The following ARHGEF10 variants were observed in gnomAD, a reference collection of about 807,000 sequenced individuals.
ARHGEF10 encodes the protein Rho guanine nucleotide exchange factor 10.
A neutral mutation model predicts 147.4 loss-of-function variants in ARHGEF10; 140 were observed. The ratio of observed to expected loss-of-function variants is 0.95; its 90% CI spans 0.83 to 1.09. ARHGEF10 has a LOEUF of 1.09. Among genes scored for constraint, ARHGEF10 ranks in the 50% least tolerant of loss-of-function variants. The pLI is 0.00. For synonymous variants in ARHGEF10, 902 were observed against 695.8 expected (o/e 1.30, Z -4.67); for missense variants, 2,222 against 1,752.7 (o/e 1.27, Z -4.78).
chr8:1,840,638 C>T (rs962918845), intron 1 of ARHGEF10, among the ~76,000 whole-genome samples: 3 of 151,838 alleles, frequency 2.0e-5, no homozygotes, highest in Admixed American at 6.6e-5. Context: ...TGGGGACTGT[C>T]CGACGTGGGG....
chr8:1,830,756 CG>C (rs1426385667), intron 1 of ARHGEF10, among the ~76,000 whole-genome samples: 3 of 152,098 alleles, frequency 2.0e-5, no homozygotes, highest in Non-Finnish European at 2.9e-5. Context: ...AAGGCATACA[CG>C]GGGCTACAAG....
intron 1 of ARHGEF10, among the ~76,000 whole-genome samples, chr8:1,833,962 G>GGGGCACTAGAGGAGAGGAGACAA (rs1249397576): frequency 2.0e-5 from 3 of 152,116 alleles, no homozygotes; most frequent in Non-Finnish European, 4.4e-5. Context: ...CTCCTGCTCG[G>GGGGCACTAGAGGAGAGGAGACAA]GGGCACTAGA....
At chr8:1,849,979 TGC>T (rs1804934695) in intron 2 of ARHGEF10, among the ~76,000 whole-genome samples, 1 of 48,868 alleles carries the variant, frequency 2.0e-5, no homozygotes, top group Non-Finnish European at 5.0e-5. Context: ...GTGGGCCGGC[TGC>T]ATGGACACAG....
intron 1 of ARHGEF10, among the ~76,000 whole-genome samples, chr8:1,836,291 A>G (rs1803575951): frequency 6.6e-6 from 1 of 152,204 alleles, no homozygotes; most frequent in Non-Finnish European, 1.5e-5. Context: ...CCTGCAGCCC[A>G]GGCAGGTATG....
At chr8:1,829,221 A>G (rs568651097) in intron 1 of ARHGEF10, among the ~76,000 whole-genome samples, 1 of 152,328 alleles carries the variant, frequency 6.6e-6, no homozygotes, top group South Asian at 2.1e-4. Context: ...CTCCAGAGTT[A>G]ATGACCCTCC....
intron 1 of ARHGEF10, among the ~76,000 whole-genome samples, chr8:1,825,613 C>A (rs1199146283): frequency 6.6e-6 from 1 of 151,856 alleles, no homozygotes; most frequent in Non-Finnish European, 1.5e-5. Flanking sequence ...CCTGTCCCAG[C>A]CCCACTCCCC....
At position 1,893,990 on chromosome 8, in the gene ARHGEF10, A is replaced by G. The variant is rs766058083; in HGVS notation, c.1260+344A>G. 1.8e-4 allele frequency among the ~76,000 whole-genome samples: 27 copies of G among 152,062 alleles called. 1 individual carries two copies. The highest frequency in any genetic ancestry group is 2.9e-5 in the Non-Finnish European group (2 of 68,006). ...GGAGTTCGAGACCAGCCTGGGCAACACAGTGACTCTCCATCTCTACTAAAA... is the reference window on the plus strand; with the variant it reads ...GGAGTTCGAGACCAGCCTGGGCAACGCAGTGACTCTCCATCTCTACTAAAA... On this transcript the variant is annotated intron_variant, in intron 12 of 28. Coordinates refer to ENST00000349830, the MANE Select transcript of ARHGEF10 (RefSeq NM_014629.4).
intron 1 of ARHGEF10, among the ~76,000 whole-genome samples, chr8:1,827,235 T>C (rs1012703694): frequency 6.6e-6 from 1 of 152,268 alleles, no homozygotes; most frequent in Non-Finnish European, 1.5e-5. Context: ...AGCCTGTTCA[T>C]AGTTGTCAGG....
chr8:1,908,421 A>C (rs932821745), intron 17 of ARHGEF10, among the ~76,000 whole-genome samples: 1 of 151,718 alleles, frequency 6.6e-6, no homozygotes, highest in African/African-American at 2.4e-5. Context: ...TTTAGTAGAG[A>C]TGGGGTGTCA....
At chr8:1,855,973 T>C (rs1366297769) in intron 2 of ARHGEF10, among the ~76,000 whole-genome samples, 2 of 151,816 alleles carry the variant, frequency 1.3e-5, no homozygotes, top group African/African-American at 4.8e-5. Context: ...TGGGAGACAG[T>C]GAGGACTGGT....
At chr8:1,905,535 G>A in intron 16 of ARHGEF10, 36 bp from the exon 17 acceptor site, 1 of 1,614,052 alleles carries the variant, frequency 6.2e-7, no homozygotes, top group Non-Finnish European at 8.5e-7. Context: ...CGGGTAAACT[G>A]AACTGTGGTC....
chr8:1,949,564 A>T (rs960403697), intron 27 of ARHGEF10, among the ~76,000 whole-genome samples: 1 of 152,226 alleles, frequency 6.6e-6, no homozygotes, highest in African/African-American at 2.4e-5. Flanking sequence ...TTGATGGGAA[A>T]GTGCTGAGAC....
chr8:1,950,532 T>C (rs1224458537), intron 27 of ARHGEF10, among the ~76,000 whole-genome samples: 1 of 151,698 alleles, frequency 6.6e-6, no homozygotes, highest in Non-Finnish European at 1.5e-5. Flanking sequence ...ATTTATTTAT[T>C]TATTTATTTA....
At chr8:1,879,300 C>G (rs537969054) in intron 8 of ARHGEF10, among the ~76,000 whole-genome samples, 1 of 152,308 alleles carries the variant, frequency 6.6e-6, no homozygotes, top group South Asian at 2.1e-4. Flanking sequence ...AAAATCCGTG[C>G]TGCCATCCCC....
chr8:1,840,444 G>A lies in ARHGEF10; in HGVS notation c.-47-2909G>A, dbSNP rs955231092. Among the ~76,000 whole-genome samples, 3 of 143,626 alleles carry A rather than the reference G, an allele frequency of 2.1e-5. 1 individual carries two copies. Among genetic ancestry groups the A allele is most frequent in the Admixed American group, 1.4e-4 (2 of 13,904 alleles). The allele number at this position is 143,626 out of a possible 152,430, so 94.2% of individuals were successfully genotyped here. A position where few individuals can be genotyped will look rare whatever the true frequency, so the allele number is the denominator to read the frequency against. ...GTGGAAGCTGTCCGGTGTGGGGACTGTCCGGTGTGGAAGCTGTCCGGTGTG... is the reference window on the plus strand; with the variant it reads ...GTGGAAGCTGTCCGGTGTGGGGACTATCCGGTGTGGAAGCTGTCCGGTGTG... On this transcript the variant is annotated intron_variant, in intron 1 of 28. Transcript: ENST00000349830.
At chr8:1,884,160 G>A (rs1292402671) in intron 10 of ARHGEF10, among the ~76,000 whole-genome samples, 3 of 152,252 alleles carry the variant, frequency 2.0e-5, no homozygotes, top group South Asian at 4.1e-4. Flanking sequence ...TTTGGAGGCC[G>A]AGGCGGGCAG....
intron 21 of ARHGEF10, 46 bp downstream of exon 21, chr8:1,923,920 A>G (rs1265244477): frequency 3.8e-6 from 6 of 1,569,120 alleles, no homozygotes; most frequent in Non-Finnish European, 5.3e-6. Context: ...CGGCGTGATG[A>G]TGAATTCCTG....
chr8:1,867,818 A>G (rs958572964), intron 6 of ARHGEF10, among the ~76,000 whole-genome samples: 1 of 152,242 alleles, frequency 6.6e-6, no homozygotes, highest in African/African-American at 2.4e-5. Context: ...AGGTAGAACC[A>G]TCTTAGTTAC....
intron 2 of ARHGEF10, among the ~76,000 whole-genome samples, chr8:1,844,723 A>G (rs1035852166): frequency 6.6e-6 from 1 of 151,964 alleles, no homozygotes; most frequent in African/African-American, 2.4e-5. Context: ...GCCACAGTTC[A>G]CTTACGTGTG....
Sources: gnomAD v4.1 joint callset for allele counts (sites outside exome capture counted in the v4.1 genomes callset) on GRCh38, gnomAD v4.1.1 for gene constraint, MANE v1.5 for transcripts, NCBI Gene and HGNC (gene_info 2026-07-23, HGNC 2026-07-21) for gene names.